MBTPS1: variants seen among roughly 807,000 people sequenced by gnomAD.
The protein encoded by MBTPS1 is membrane-bound transcription factor site-1 protease.
Under a neutral mutation model 127.8 loss-of-function variants are expected in MBTPS1, and 94 were observed. The observed-to-expected ratio is 0.74, with a 90% CI of 0.62 to 0.87. The LOEUF (loss-of-function observed/expected upper bound fraction) is 0.87. Among genes scored for constraint, MBTPS1 ranks in the 40% least tolerant of loss-of-function variants. MBTPS1 has a pLI of 0.00. For synonymous variants in MBTPS1, 632 were observed against 509.4 expected, an observed-to-expected ratio of 1.24 and a Z score of -3.24; for missense variants, 1,636 against 1,353.2, an observed-to-expected ratio of 1.21 and a Z score of -3.28.
chr16:84,069,496 G>A (rs1340931943), intron 14 of MBTPS1, among the ~76,000 whole-genome samples: 1 of 152,234 alleles, frequency 6.6e-6, no homozygotes, highest in Non-Finnish European at 1.5e-5. Flanking sequence ...GTGGCACTCA[G>A]GAGCTGCTGA....
At chr16:84,112,758 C>G (rs1262603089) in intron 1 of MBTPS1, among the ~76,000 whole-genome samples, 1 of 151,462 alleles carries the variant, frequency 6.6e-6, no homozygotes, top group Non-Finnish European at 1.5e-5. Flanking sequence ...GCAGATCACC[C>G]GAGGTCAGGA....
intron 1 of MBTPS1, among the ~76,000 whole-genome samples, chr16:84,115,944 GAAA>G (rs34944031): frequency 0.14 from 20,779 of 148,422 alleles, 1,552 homozygotes; most frequent in South Asian, 0.25. Context: ...TCTCCAGATT[GAAA>G]AAAAAAAAAA....
Position 84,081,749 on chromosome 16 carries a change from T to C in MBTPS1, c.1446A>G (p.Ala482=). The change falls in exon 11 of 23, where the codon GCA becomes GCG. Residue 482 remains alanine (A), a splice_region_variant and synonymous_variant. Coordinates refer to ENST00000343411, the MANE Select transcript of MBTPS1 (RefSeq NM_003791.4). ...CATCGGCAGGGCGGTGCACTGACCT[T>C]GCCTGTGGCTTGTAGCTGTTGAGGA... is the stretch of plus-strand genomic sequence containing the variant. ...YQILNSYKPQ[A]SLSPSYIDLT... is the part of the protein sequence containing the mutation. The C allele has an allele frequency of 7.2e-7, 1 of 1,391,014 alleles. No homozygotes were observed. The highest frequency in any genetic ancestry group is 2.8e-5 in the Admixed American group (1 of 35,256). The allele number at this position is 1,391,014 out of a possible 1,614,324, so 86.2% of individuals were successfully genotyped here.
intron 8 of MBTPS1, among the ~76,000 whole-genome samples, chr16:84,090,621 T>C (rs1160457506): frequency 6.6e-6 from 1 of 152,222 alleles, no homozygotes; most frequent in Non-Finnish European, 1.5e-5. Flanking sequence ...TAAATTACTA[T>C]TTGTAACAAA....
At chr16:84,070,521 C>G in intron 13 of MBTPS1, 67 bp downstream of exon 13, 1 of 1,528,342 alleles carries the variant, frequency 6.5e-7, no homozygotes, top group Non-Finnish European at 9.0e-7. Context: ...AGGCATTTGG[C>G]CTGTCCCTCC....
intron 1 of MBTPS1, among the ~76,000 whole-genome samples, chr16:84,112,256 G>C (rs1277901198): frequency 6.6e-6 from 1 of 152,162 alleles, no homozygotes; most frequent in Non-Finnish European, 1.5e-5. Context: ...AATGGTTACA[G>C]TGGTTCTACC....
chr16:84,087,645 G>A (rs1482261616), intron 8 of MBTPS1, among the ~76,000 whole-genome samples, 185 bp from the exon 9 acceptor site: 5 of 152,100 alleles, frequency 3.3e-5, no homozygotes, highest in South Asian at 2.1e-4. Flanking sequence ...ATCCTGCCAC[G>A]TTCATGCTGT....
intron 10 of MBTPS1, among the ~76,000 whole-genome samples, chr16:84,083,766 G>T (rs911683341): frequency 6.6e-6 from 1 of 152,148 alleles, no homozygotes; most frequent in African/African-American, 2.4e-5. Context: ...AGAGTTTTGT[G>T]TGTTATCACA....
rs149790507 is a variant in MBTPS1, at chr16:84,103,698, C to T, written c.-324-1591G>A. 1.4e-3 allele frequency among the ~76,000 whole-genome samples: 216 copies of T among 152,150 alleles called. 1 individual carries two copies. The highest frequency in any genetic ancestry group is 4.9e-3 in the African/African-American group (204 of 41,488). ...CTGGAAATATCAATATGTGCTTCTA[C>T]GAGTAGAAAAACATTGATAAAGTAC... On this transcript the variant is annotated intron_variant, in intron 1 of 22. Coordinates refer to ENST00000343411, the MANE Select transcript of MBTPS1 (RefSeq NM_003791.4).
At chr16:84,068,828 TG>T (rs2085728616) in intron 14 of MBTPS1, among the ~76,000 whole-genome samples, 1 of 152,238 alleles carries the variant, frequency 6.6e-6, no homozygotes, top group South Asian at 2.1e-4. Context: ...GCAGGGACGC[TG>T]GAACAAGCCA....
In MBTPS1 at chr16:84,103,006, G is replaced by C. The variant is rs148443191; in HGVS notation, c.-324-899C>G. Reference sequence around the variant, plus strand: ...GTTTGTGAGGGAAACTACTGCTAAAGAAAAATGTCACCTGAATATTAAATT... The same window carrying C: ...GTTTGTGAGGGAAACTACTGCTAAACAAAAATGTCACCTGAATATTAAATT... On this transcript the variant is annotated intron_variant, in intron 1 of 22. Transcript: ENST00000343411. 5.5e-3 allele frequency among the ~76,000 whole-genome samples: 838 copies of C among 152,200 alleles called. 8 individuals carry two copies. The highest frequency in any genetic ancestry group is 0.02 in the African/African-American group (810 of 41,518).
chr16:84,065,972 A>G (rs958595891), intron 17 of MBTPS1, among the ~76,000 whole-genome samples: 5 of 152,230 alleles, frequency 3.3e-5, no homozygotes, highest in African/African-American at 1.2e-4. Context: ...CACTACTAAC[A>G]TCAGGTTTCT....
intron 18 of MBTPS1, among the ~76,000 whole-genome samples, chr16:84,065,354 T>A (rs2085666364): frequency 6.6e-6 from 1 of 152,144 alleles, no homozygotes; most frequent in Non-Finnish European, 1.5e-5. Context: ...CCTGACCTCA[T>A]GATCTGCCTG....
chr16:84,087,695 C>T (rs2086050719), intron 8 of MBTPS1, among the ~76,000 whole-genome samples: 1 of 152,124 alleles, frequency 6.6e-6, no homozygotes, highest in Admixed American at 6.5e-5. Flanking sequence ...CCCCTCCTTT[C>T]TTCTCCTCCC....
intron 1 of MBTPS1, among the ~76,000 whole-genome samples, chr16:84,106,819 CA>C (rs1273883763): frequency 6.6e-6 from 1 of 152,132 alleles, no homozygotes; most frequent in African/African-American, 2.4e-5. Context: ...CCAGGGCGGG[CA>C]GGGGAGGTGA....
chr16:84,060,907 C>T (rs1172525852), intron 19 of MBTPS1, 94 bp from the exon 20 acceptor site: 2 of 1,266,632 alleles, frequency 1.6e-6, no homozygotes, highest in East Asian at 5.2e-5. Context: ...AATCATAGCT[C>T]ACTGCAGCCT....
intron 19 of MBTPS1, 78 bp downstream of exon 19, chr16:84,063,227 C>G: frequency 6.7e-7 from 1 of 1,497,580 alleles, no homozygotes; most frequent in Non-Finnish European, 9.2e-7. Flanking sequence ...GCCAGCATCT[C>G]ACGGGCGCCT....
Position 84,054,267 on chromosome 16 carries a change from C to G in MBTPS1, c.*182G>C. The G allele has an allele frequency of 2.2e-6, 1 of 455,818 alleles. No individual in the cohort carries two copies. 28.2% of individuals were successfully genotyped at this position (455,818 alleles called of 1,614,324 possible). A position where few individuals can be genotyped will look rare whatever the true frequency, so the allele number is the denominator to read the frequency against. On this transcript the variant is annotated 3_prime_UTR_variant, in exon 23 of 23. Coordinates refer to ENST00000343411, the MANE Select transcript of MBTPS1 (RefSeq NM_003791.4). ...CCCTCCTGACGGGATCCACAGGAAT[C>G]TTCTCGATGTACCAGGAGCCTCTGC...
At chr16:84,062,540 C>T (rs1200133863) in intron 19 of MBTPS1, among the ~76,000 whole-genome samples, 3 of 152,226 alleles carry the variant, frequency 2.0e-5, no homozygotes, top group Non-Finnish European at 4.4e-5. Flanking sequence ...GCTGTTAGTG[C>T]CTCATTCTTG....
Sources: gnomAD v4.1 joint callset for allele counts (sites outside exome capture counted in the v4.1 genomes callset) on GRCh38, gnomAD v4.1.1 for gene constraint, MANE v1.5 for transcripts, NCBI Gene and HGNC (gene_info 2026-07-23, HGNC 2026-07-21) for gene names.